Variants in NCKAP5 observed in about 807,000 individuals in gnomAD.
The protein encoded by NCKAP5 is nck-associated protein 5.
A neutral mutation model predicts 167.0 loss-of-function variants in NCKAP5; 92 were observed. That is an observed-to-expected ratio of 0.55 (90% CI 0.47 to 0.66). The LOEUF (loss-of-function observed/expected upper bound fraction) is 0.66. Among genes scored for constraint, NCKAP5 ranks in the 30% least tolerant of loss-of-function variants. The probability of loss-of-function intolerance (pLI) is 0.00; values close to 1 mark genes in which losing one functional copy is unlikely to be tolerated. For synonymous variants in NCKAP5, 891 were observed against 877.4 expected (o/e 1.02, Z -0.27); for missense variants, 2,378 against 2,315.0 (o/e 1.03, Z -0.56).
At chr2:133,002,729 A>G (rs1019964079) in intron 6 of NCKAP5, among the ~76,000 whole-genome samples, 1 of 152,178 alleles carries the variant, frequency 6.6e-6, no homozygotes, top group Non-Finnish European at 1.5e-5. Context: ...TCTCCTCCTG[A>G]GGTCACTGAC....
At chr2:133,075,160 C>T (rs764054708) in intron 6 of NCKAP5, among the ~76,000 whole-genome samples, 1 of 152,186 alleles carries the variant, frequency 6.6e-6, no homozygotes, top group Admixed American at 6.5e-5. Context: ...AATTTGAATA[C>T]CTTTAGATTT....
At chr2:132,821,207 C>T (rs896092689) in intron 11 of NCKAP5, among the ~76,000 whole-genome samples, 3 of 152,134 alleles carry the variant, frequency 2.0e-5, no homozygotes, top group Admixed American at 6.5e-5. Flanking sequence ...ACTGTGAGTT[C>T]CCAAAGCGTG....
intron 3 of NCKAP5, among the ~76,000 whole-genome samples, chr2:133,488,151 T>A (rs1032580504): frequency 6.6e-6 from 1 of 152,248 alleles, no homozygotes; most frequent in African/African-American, 2.4e-5. Flanking sequence ...ACAGATTAAG[T>A]GCTTAATATA....
At chr2:133,090,470 A>C (rs2081139124) in intron 6 of NCKAP5, among the ~76,000 whole-genome samples, 1 of 152,214 alleles carries the variant, frequency 6.6e-6, no homozygotes, top group East Asian at 2.0e-4. Flanking sequence ...CTGGAGTTAC[A>C]TGGCCACAGG....
Position 133,383,753 on chromosome 2 carries a change from C to CATTCTAACTGGTGTGAG in NCKAP5, c.70-80660_70-80644dup, listed in dbSNP as rs1461611364. Among the ~76,000 whole-genome samples, 34 of 152,194 alleles carry CATTCTAACTGGTGTGAG rather than the reference C, an allele frequency of 2.2e-4. 1 individual carries two copies. The highest frequency in any genetic ancestry group is 8.8e-5 in the Non-Finnish European group (6 of 68,030). ...TATTTCCTGACTTTTTAATGCTTGTCATTCTAACTGGTGTGAGATGGTATC... is the reference window on the plus strand; with the variant it reads ...TATTTCCTGACTTTTTAATGCTTGTCATTCTAACTGGTGTGAGATTCTAACTGGTGTGAGATGGTATC... On this transcript the variant is annotated intron_variant, in intron 3 of 19. Transcript: ENST00000409261.
At chr2:133,048,966 T>C (rs1162791801) in intron 6 of NCKAP5, among the ~76,000 whole-genome samples, 1 of 152,162 alleles carries the variant, frequency 6.6e-6, no homozygotes, top group Non-Finnish European at 1.5e-5. Context: ...TCTCATGCTC[T>C]TTTCTGGATG....
At chr2:132,774,057 A>AT (rs956623465) in intron 15 of NCKAP5, among the ~76,000 whole-genome samples, 163 bp from the exon 16 acceptor site, 7 of 152,238 alleles carry the variant, frequency 4.6e-5, no homozygotes, top group Non-Finnish European at 8.8e-5. Flanking sequence ...TATAAAATAC[A>AT]TTTTTTTCGT....
chr2:133,542,067 C>T (rs1178081653), intron 2 of NCKAP5, among the ~76,000 whole-genome samples: 1 of 152,126 alleles, frequency 6.6e-6, no homozygotes, highest in East Asian at 1.9e-4. Context: ...GATCATATGC[C>T]TGCATCCCAG....
At chr2:133,279,411 A>C (rs939942591) in intron 4 of NCKAP5, among the ~76,000 whole-genome samples, 2 of 152,210 alleles carry the variant, frequency 1.3e-5, no homozygotes, top group African/African-American at 4.8e-5. Flanking sequence ...TGATTTGAAC[A>C]TTTTTAGGGC....
At chr2:132,709,346 A>T (rs929204882) in intron 19 of NCKAP5, among the ~76,000 whole-genome samples, 1 of 152,164 alleles carries the variant, frequency 6.6e-6, no homozygotes, top group Non-Finnish European at 1.5e-5. Context: ...GATGATAAAA[A>T]TAACAAAAGT....
chr2:132,876,782 A>C (rs1392526245), intron 9 of NCKAP5, among the ~76,000 whole-genome samples: 2 of 152,252 alleles, frequency 1.3e-5, no homozygotes, highest in Non-Finnish European at 2.9e-5. Flanking sequence ...TCTTCAGTGG[A>C]AACTTTATAT....
At chr2:133,658,068 C>G in the NCKAP5 span, among the ~76,000 whole-genome samples, 1 of 152,118 alleles carries the variant, frequency 6.6e-6, no homozygotes, top group Non-Finnish European at 1.5e-5. Flanking sequence ...ATAGCCCTCC[C>G]CTAACAGAGT....
intron 5 of NCKAP5, among the ~76,000 whole-genome samples, chr2:133,165,090 A>G (rs1053244511): frequency 6.6e-6 from 1 of 151,862 alleles, no homozygotes; most frequent in Non-Finnish European, 1.5e-5. Flanking sequence ...GGATGGGAGG[A>G]GGTGACTGCC....
At chr2:133,385,806 T>C (rs1299366292) in intron 3 of NCKAP5, among the ~76,000 whole-genome samples, 1 of 152,226 alleles carries the variant, frequency 6.6e-6, no homozygotes, top group Non-Finnish European at 1.5e-5. Flanking sequence ...ATTTATCCAT[T>C]TCTTCTAGAT....
chr2:132,973,448 C>T lies in NCKAP5; in HGVS notation c.430-9579G>A, dbSNP rs565412621. ...GCCAGCTGTGTAATTTTAGTTATCA[C>T]ATAAATTCTCTGTCCCTCAATTTCT... On this transcript the variant is annotated intron_variant, in intron 7 of 19. Transcript: ENST00000409261. Among the ~76,000 whole-genome samples the T allele has an allele frequency of 3.3e-5, 5 of 152,286 alleles. No individual in the cohort carries two copies. In the South Asian group the frequency reaches 1.0e-3, roughly 32 times the overall value.
intron 6 of NCKAP5, chr2:133,123,435 T>C (rs769783773): frequency 7.0e-4 from 136 of 193,964 alleles, no homozygotes; most frequent in Non-Finnish European, 1.2e-3. Flanking sequence ...AGAGGTCATT[T>C]AAAATCTTTT....
In NCKAP5 at chr2:132,782,386, C is replaced by G. The variant is rs750767495; in HGVS notation, c.4425G>C (p.Lys1475Asn). The stretch of plus-strand genomic sequence containing the variant: ...CATTTTCCTGAATGCACAACATGAC[C>G]TTTTCTTCGATTGTGGGTGAGAGGG... ...EAPLSPTIEE[K>N]VMLCIQENVE... Residue 1475 changes from lysine (K) to asparagine (N), a missense_variant, in exon 14 of 20, where the codon AAG (lysine) becomes AAC (asparagine). Lys to Asn is a moderately conservative substitution (Grantham distance 94). Transcript: ENST00000409261. 1.2e-6 allele frequency: 2 copies of G among 1,614,042 alleles called. No individual in the cohort carries two copies. Among genetic ancestry groups the G allele is most frequent in the Non-Finnish European group, 1.7e-6 (2 of 1,179,912 alleles).
intron 11 of NCKAP5, among the ~76,000 whole-genome samples, chr2:132,838,525 G>A (rs1382096084): frequency 6.6e-6 from 1 of 152,052 alleles, no homozygotes; most frequent in Non-Finnish European, 1.5e-5. Context: ...CCAGCTACTC[G>A]GGAGGCTGAG....
At chr2:133,143,489 G>T (rs2083075459) in intron 5 of NCKAP5, among the ~76,000 whole-genome samples, 1 of 152,118 alleles carries the variant, frequency 6.6e-6, no homozygotes, top group Non-Finnish European at 1.5e-5. Context: ...ATGGAAAAAG[G>T]ATCCATGTCT....
Sources: allele counts gnomAD v4.1 joint callset (sites outside exome capture counted in the v4.1 genomes callset), GRCh38; gene constraint gnomAD v4.1.1; transcripts MANE v1.5; gene names NCBI Gene and HGNC (gene_info 2026-07-23, HGNC 2026-07-21).